Variants in SEMA5B observed in about 807,000 individuals in gnomAD.
SEMA5B encodes semaphorin 5B.
SEMA5B carries 66 observed loss-of-function variants against 135.0 expected under a neutral mutation model. The ratio of observed to expected loss-of-function variants is 0.49; its 90% confidence interval spans 0.40 to 0.60. The LOEUF (loss-of-function observed/expected upper bound fraction) is 0.60. Ranked by LOEUF, SEMA5B falls within the 20% of genes least tolerant of loss-of-function variation. SEMA5B has a pLI of 0.00. For missense variants in SEMA5B, 1,501 were observed against 1,566.3 expected (o/e 0.96, Z 0.70); for synonymous variants, 690 against 639.5 (o/e 1.08, Z -1.19).
At chr3:122,952,256 C>T (rs760153344) in intron 2 of SEMA5B, among the ~76,000 whole-genome samples, 5 of 152,136 alleles carry the variant, frequency 3.3e-5, no homozygotes, top group Admixed American at 6.5e-5. Flanking sequence ...AGCCTGGGTC[C>T]GTCCTGTGGC....
At chr3:122,966,749 G>A (rs562764093) in intron 1 of SEMA5B, among the ~76,000 whole-genome samples, 30 of 150,144 alleles carry the variant, frequency 2.0e-4, no homozygotes, top group Non-Finnish European at 3.1e-4. Flanking sequence ...TAGTAGAGAC[G>A]GGGTTTCACC....
Position 123,019,158 on chromosome 3 carries a change from G to A in SEMA5B, c.-39+8306C>T, listed in dbSNP as rs143657177. On this transcript the variant is annotated intron_variant, in intron 1 of 22. Coordinates refer to ENST00000357599, the MANE Select transcript of SEMA5B (RefSeq NM_001031702.4). ...ACAACAAGCCAAGAGTTAACACCAA[G>A]AGGATTGAGAAAAGCCTATGTAGTG... Among the ~76,000 whole-genome samples the A allele has an allele frequency of 2.8e-3, 428 of 152,318 alleles. 2 individuals are homozygous for A. The highest frequency in any genetic ancestry group is 9.7e-3 in the African/African-American group (402 of 41,556).
chr3:122,925,343 A>C (rs1299132798), intron 9 of SEMA5B, among the ~76,000 whole-genome samples: 1 of 150,806 alleles, frequency 6.6e-6, no homozygotes, highest in Admixed American at 6.6e-5. Flanking sequence ...CATAAAATAC[A>C]CTAAACACTA....
chr3:123,025,047 C>G (rs974732206), intron 1 of SEMA5B, among the ~76,000 whole-genome samples: 1 of 152,182 alleles, frequency 6.6e-6, no homozygotes, highest in Non-Finnish European at 1.5e-5. Flanking sequence ...TTCAAACAAG[C>G]CAGGAAGTTC....
chr3:122,943,199 C>T (rs1021708939), intron 4 of SEMA5B, among the ~76,000 whole-genome samples: 33 of 152,152 alleles, frequency 2.2e-4, no homozygotes, highest in Admixed American at 5.2e-4. Context: ...TCACTAACTG[C>T]CAACCACAGG....
intron 1 of SEMA5B, among the ~76,000 whole-genome samples, chr3:122,973,573 G>T (rs915075240): frequency 6.6e-6 from 1 of 152,236 alleles, no homozygotes; most frequent in African/African-American, 2.4e-5. Context: ...GTCGTGAAAT[G>T]GACAGAGTTT....
chr3:122,947,169 CT>C (rs1237155292), intron 3 of SEMA5B, among the ~76,000 whole-genome samples: 2 of 152,208 alleles, frequency 1.3e-5, no homozygotes, highest in Non-Finnish European at 2.9e-5. Flanking sequence ...CTGTCCCCCT[CT>C]GTCCTCTTCA....
At chr3:122,923,833 T>C in intron 9 of SEMA5B, 81 bp from the exon 10 acceptor site, 1 of 1,513,982 alleles carries the variant, frequency 6.6e-7, no homozygotes, top group South Asian at 1.1e-5. Flanking sequence ...CCAGCTGTCA[T>C]GTCCAATTCC....
intron 1 of SEMA5B, among the ~76,000 whole-genome samples, chr3:123,026,158 A>G (rs1039663431): frequency 1.3e-5 from 2 of 152,172 alleles, no homozygotes; most frequent in South Asian, 4.1e-4. Context: ...TAGGGGCTGA[A>G]GGAAAAAGAT....
In SEMA5B at chr3:122,936,178, C is replaced by A. The variant is rs190917134; in HGVS notation, c.474+3247G>T. On this transcript the variant is annotated intron_variant, in intron 5 of 22. Transcript: ENST00000357599. ...ACAGAGTGCTTTAAACAAGGGCTGTCCCAGAAATTCCAGGATGATCTCTAG... is the reference window on the plus strand; with the variant it reads ...ACAGAGTGCTTTAAACAAGGGCTGTACCAGAAATTCCAGGATGATCTCTAG... 2.3e-3 allele frequency among the ~76,000 whole-genome samples: 356 copies of A among 152,258 alleles called. 5 individuals carry two copies. Among genetic ancestry groups the A allele is most frequent in the Non-Finnish European group, 1.0e-3 (69 of 68,024 alleles).
intron 1 of SEMA5B, among the ~76,000 whole-genome samples, chr3:123,005,713 G>A (rs530420202): frequency 9.2e-5 from 14 of 152,256 alleles, no homozygotes; most frequent in Admixed American, 9.2e-4. Context: ...AAGAGTGGTT[G>A]GCCTGAGGGG....
At chr3:122,983,463 G>A (rs1057299482) in intron 1 of SEMA5B, among the ~76,000 whole-genome samples, 2 of 151,754 alleles carry the variant, frequency 1.3e-5, no homozygotes, top group African/African-American at 4.8e-5. Flanking sequence ...GGGACGGGGC[G>A]GGGTGGTAAA....
chr3:122,912,161 G>T lies in SEMA5B; in HGVS notation c.2896+11C>A, dbSNP rs1483115685. ...TGTCGCTTCCCAGCCCTGGCGGGAT[G>T]TGCCTCATACCTGGGCAGGCCTGTG... is the stretch of plus-strand genomic sequence containing the variant. On this transcript the variant is annotated intron_variant, in intron 19 of 22. Transcript: ENST00000357599. The T allele has an allele frequency of 1.3e-6, 2 of 1,581,590 alleles. No homozygotes were observed.
At chr3:122,940,000 G>C (rs1203025696) in intron 4 of SEMA5B, among the ~76,000 whole-genome samples, 1 of 152,060 alleles carries the variant, frequency 6.6e-6, no homozygotes, top group African/African-American at 2.4e-5. Context: ...TTCATCTCCT[G>C]CAGTCTCTCC....
At position 122,926,482 on chromosome 3, in the gene SEMA5B, G is replaced by A. The variant is rs768121050; in HGVS notation, c.1046C>T (p.Pro349Leu). 1.1e-5 allele frequency: 17 copies of A among 1,614,100 alleles called. No homozygotes were observed. Among genetic ancestry groups the A allele is most frequent in the African/African-American group, 1.3e-5 (1 of 74,948 alleles). ...GTTATAGTAGAAGGGGACCTCGCCC[G>A]GGCGGGAGCAGTTGAGCCGGGCCTT... ...FMKARLNCSR[P>L]GEVPFYYNEL... is the part of the protein sequence containing the mutation. The change falls in exon 9 of 23, where the codon CCG becomes CTG. Residue 349 changes from proline to leucine, a missense_variant. Physicochemically the swap from Pro to Leu is moderately conservative, Grantham distance 98 (BLOSUM62 -3). Around this residue, in one of 2 missense-constraint regions of SEMA5B, gnomAD observed 574 missense variants for 684.7 expected, o/e 0.84. Transcript: ENST00000357599.
Position 122,912,857 on chromosome 3 carries a change from G to A in SEMA5B, c.2711C>T (p.Pro904Leu). ...GDAAEYQDCN[P>L]QACPVRGAWS... ...TGCAGGGTTACCTGGGCAAGCCTGGGGGTTGCAGTCCTGGTACTCGGCAGC... is the reference window on the plus strand; with the variant it reads ...TGCAGGGTTACCTGGGCAAGCCTGGAGGTTGCAGTCCTGGTACTCGGCAGC... The change falls in exon 18 of 23, where the codon CCC becomes CTC. Residue 904 changes from proline to leucine, a missense_variant. Physicochemically the swap from Pro to Leu is moderately conservative, Grantham distance 98 (BLOSUM62 -3). Transcript: ENST00000357599. 6.3e-7 allele frequency: 1 copy of A among 1,589,210 alleles called. No individual in the cohort carries two copies. The highest frequency in any genetic ancestry group is 8.6e-7 in the Non-Finnish European group (1 of 1,166,086).
At chr3:122,954,234 CTA>C (rs1427487445) in intron 2 of SEMA5B, among the ~76,000 whole-genome samples, 1 of 152,176 alleles carries the variant, frequency 6.6e-6, no homozygotes, top group African/African-American at 2.4e-5. Flanking sequence ...CAGTTCTCTG[CTA>C]CCTGCCATGT....
At chr3:123,012,837 G>A (rs888615272) in intron 1 of SEMA5B, among the ~76,000 whole-genome samples, 1 of 152,214 alleles carries the variant, frequency 6.6e-6, no homozygotes, top group Non-Finnish European at 1.5e-5. Context: ...CCTTCCATCA[G>A]CTGTAGTCTA....
rs71136597 is a variant in SEMA5B, at chr3:122,932,243, A to ATTTTTTTTTTTTT, written c.475-3198_475-3186dup. Among the ~76,000 whole-genome samples, 5 of 85,394 alleles carry ATTTTTTTTTTTTT rather than the reference A, an allele frequency of 5.9e-5. 2 individuals carry two copies. Among genetic ancestry groups the ATTTTTTTTTTTTT allele is most frequent in the African/African-American group, 4.6e-5 (1 of 21,764 alleles). The allele number at this position is 85,394 out of a possible 152,430, so 56.0% of individuals were successfully genotyped here. A position where few individuals can be genotyped will look rare whatever the true frequency, so the allele number is the denominator to read the frequency against. ...GGTCTTACACATCCCTCTCAATATG[A>ATTTTTTTTTTTTT]TTTTTTTTTTTTTTTTTTTTTTTTT... On this transcript the variant is annotated intron_variant, in intron 5 of 22. Transcript: ENST00000357599.
Sources: gnomAD v4.1 joint callset for allele counts (sites outside exome capture counted in the v4.1 genomes callset) on GRCh38, gnomAD v4.1.1 for gene constraint, gnomAD v4.1.1 regional missense constraint, MANE v1.5 for transcripts, NCBI Gene and HGNC (gene_info 2026-07-23, HGNC 2026-07-21) for gene names.